PACRG: variants seen among roughly 807,000 people sequenced by gnomAD.
PACRG encodes the protein parkin coregulated, also known as parkin coregulated gene protein.
PACRG carries 29 observed loss-of-function variants against 29.7 expected under a neutral mutation model. The observed-to-expected ratio is 0.98, with a 90% CI of 0.73 to 1.33. The LOEUF (loss-of-function observed/expected upper bound fraction) is 1.33, where lower values mean the gene tolerates loss of function less well. Among genes scored for constraint, PACRG ranks in the 40% most tolerant of loss-of-function variants. PACRG has a pLI of 0.00. For synonymous variants in PACRG, 116 were observed against 118.7 expected, an observed-to-expected ratio of 0.98 and a Z score of 0.15; for missense variants, 279 against 316.2, an observed-to-expected ratio of 0.88 and a Z score of 0.89.
At chr6:163,191,865 G>A (rs559661506) in intron 4 of PACRG, 19 of 422,190 alleles carry the variant, frequency 4.5e-5, no homozygotes, top group South Asian at 1.7e-4. Context: ...GCCACACCCC[G>A]CCTGGTGTCT....
At chr6:163,307,330 C>T (rs1243364098) in intron 4 of PACRG, among the ~76,000 whole-genome samples, 1 of 152,102 alleles carries the variant, frequency 6.6e-6, no homozygotes, top group African/African-American at 2.4e-5. Context: ...AGAAAGAGAA[C>T]GAGACATCCA....
chr6:162,760,800 A>G (rs1027708908), intron 1 of PACRG, among the ~76,000 whole-genome samples: 3 of 152,088 alleles, frequency 2.0e-5, no homozygotes, highest in Non-Finnish European at 4.4e-5. Context: ...ACATGGTGAA[A>G]GGATCACTCC....
intron 2 of PACRG, among the ~76,000 whole-genome samples, chr6:162,844,981 T>A (rs925175535): frequency 6.6e-6 from 1 of 152,204 alleles, no homozygotes; most frequent in Non-Finnish European, 1.5e-5. Flanking sequence ...TGAGTCTGCC[T>A]AGTATTAGAG....
intron 1 of PACRG, among the ~76,000 whole-genome samples, chr6:162,796,757 G>A (rs1234049000): frequency 6.6e-6 from 1 of 150,986 alleles, no homozygotes; most frequent in Non-Finnish European, 1.5e-5. Flanking sequence ...CTCTCGATTT[G>A]TGTTAGTTGT....
At chr6:163,252,958 C>G (rs545032945) in intron 4 of PACRG, among the ~76,000 whole-genome samples, 1 of 152,234 alleles carries the variant, frequency 6.6e-6, no homozygotes, top group Non-Finnish European at 1.5e-5. Flanking sequence ...GCTGCTTTGA[C>G]CTATTCAGAT....
At chr6:163,183,850 A>G (rs1779787598) in intron 4 of PACRG, among the ~76,000 whole-genome samples, 1 of 152,236 alleles carries the variant, frequency 6.6e-6, no homozygotes, top group South Asian at 2.1e-4. Context: ...TACTGATTGT[A>G]TTACACAATA....
At chr6:163,016,877 A>T (rs1310764312) in intron 2 of PACRG, among the ~76,000 whole-genome samples, 3 of 152,132 alleles carry the variant, frequency 2.0e-5, no homozygotes, top group Non-Finnish European at 4.4e-5. Context: ...TTACTTATTT[A>T]GGTCTGTCTT....
At chr6:163,165,811 G>T in intron 4 of PACRG, 1 of 273,096 alleles carries the variant, frequency 3.7e-6, no homozygotes, top group Non-Finnish European at 7.2e-6. Flanking sequence ...CTCTGTGACG[G>T]CCCAGGCGAG....
At chr6:163,014,633 T>C (rs1289917901) in intron 2 of PACRG, among the ~76,000 whole-genome samples, 1 of 152,198 alleles carries the variant, frequency 6.6e-6, no homozygotes, top group Non-Finnish European at 1.5e-5. Context: ...TTCAGGTTTG[T>C]TGGCTGCTTG....
chr6:163,065,916 G>T (rs531115429), intron 3 of PACRG, among the ~76,000 whole-genome samples: 2 of 152,164 alleles, frequency 1.3e-5, no homozygotes, highest in African/African-American at 4.8e-5. Flanking sequence ...TAAAAATAAG[G>T]CCAGAAAAGA....
At chr6:163,297,929 G>A (rs1225155138) in intron 4 of PACRG, among the ~76,000 whole-genome samples, 1 of 152,112 alleles carries the variant, frequency 6.6e-6, no homozygotes, top group Admixed American at 6.5e-5. Context: ...CACAATGATG[G>A]ACTGACCGTG....
intron 1 of PACRG, among the ~76,000 whole-genome samples, chr6:162,732,460 T>C (rs551948540): frequency 1.3e-5 from 2 of 152,344 alleles, no homozygotes; most frequent in South Asian, 2.1e-4. Context: ...CTGGGACATG[T>C]AGTCTTTAAC....
chr6:163,212,752 G>A (rs60414440), intron 4 of PACRG, among the ~76,000 whole-genome samples: 74,191 of 151,362 alleles, frequency 0.49, 18,565 homozygotes, highest in East Asian at 0.76. Flanking sequence ...ATAAAGGGAA[G>A]AAGAGTAACT....
chr6:162,730,914 A>C (rs1779717594), intron 1 of PACRG, among the ~76,000 whole-genome samples: 1 of 152,184 alleles, frequency 6.6e-6, no homozygotes, highest in Non-Finnish European at 1.5e-5. Flanking sequence ...GATAGAGCCC[A>C]TGACCAGAAA....
intron 2 of PACRG, among the ~76,000 whole-genome samples, chr6:162,878,666 AC>A (rs1167995395): frequency 2.0e-5 from 3 of 152,340 alleles, no homozygotes; most frequent in Admixed American, 1.3e-4. Context: ...AAAAAATAGT[AC>A]TAGGGAAATT....
chr6:162,984,205 A>G (rs1174686728), intron 2 of PACRG, among the ~76,000 whole-genome samples: 1 of 151,886 alleles, frequency 6.6e-6, no homozygotes, highest in Non-Finnish European at 1.5e-5. Flanking sequence ...CCAAAGTCCA[A>G]TTATCATTCT....
chr6:162,992,361 A>G (rs1803513070), intron 2 of PACRG, among the ~76,000 whole-genome samples: 1 of 129,572 alleles, frequency 7.7e-6, no homozygotes, highest in South Asian at 2.8e-4. Flanking sequence ...CTGTGAATCC[A>G]TCTGGTCCTG....
chr6:162,874,848 ATCAT>A (rs1793159518), intron 2 of PACRG, among the ~76,000 whole-genome samples: 1 of 152,026 alleles, frequency 6.6e-6, no homozygotes, highest in African/African-American at 2.4e-5. Flanking sequence ...TCACATTCAC[ATCAT>A]TCACACAGAT....
chr6:163,143,212 T>C (rs1214031856), intron 4 of PACRG, among the ~76,000 whole-genome samples: 5 of 152,062 alleles, frequency 3.3e-5, no homozygotes, highest in Non-Finnish European at 1.5e-5. Context: ...TACTATTCCA[T>C]AATAAAAAGT....
Sources: gnomAD v4.1 joint callset for allele counts (sites outside exome capture counted in the v4.1 genomes callset) on GRCh38, gnomAD v4.1.1 for gene constraint, MANE v1.5 for transcripts, NCBI Gene and HGNC (gene_info 2026-07-23, HGNC 2026-07-21) for gene names.